Variants in SRRM3 observed in about 807,000 individuals in gnomAD.
SRRM3 encodes the protein serine/arginine repetitive matrix protein 3.
Under a neutral mutation model 66.2 loss-of-function variants are expected in SRRM3, and 27 were observed. That is an observed-to-expected ratio of 0.41 (90% CI 0.30 to 0.56). The LOEUF (loss-of-function observed/expected upper bound fraction) is 0.56. Ranked by LOEUF, SRRM3 falls within the 20% of genes least tolerant of loss-of-function variation. SRRM3 has a pLI of 0.32. For synonymous variants in SRRM3, 391 were observed against 414.9 expected (o/e 0.94, Z 0.70); for missense variants, 918 against 991.9 (o/e 0.93, Z 1.00).
chr7:76,279,520 A>T (rs1411097998), intron 11 of SRRM3, among the ~76,000 whole-genome samples: 4 of 142,176 alleles, frequency 2.8e-5, no homozygotes, highest in African/African-American at 7.6e-5. Context: ...CTGCTACTAG[A>T]TGGAGGGCCA....
intron 11 of SRRM3, among the ~76,000 whole-genome samples, chr7:76,276,213 A>G (rs782550270): frequency 6.6e-6 from 1 of 152,096 alleles, no homozygotes; most frequent in Non-Finnish European, 1.5e-5. Context: ...TCACTCACTC[A>G]CTCATTCATT....
intron 3 of SRRM3, among the ~76,000 whole-genome samples, chr7:76,249,386 A>C (rs1285368839): frequency 6.6e-6 from 1 of 152,120 alleles, no homozygotes; most frequent in Non-Finnish European, 1.5e-5. Flanking sequence ...TCTCAAAAAA[A>C]AAAAAAAGGG....
intron 2 of SRRM3, among the ~76,000 whole-genome samples, chr7:76,238,216 T>G (rs76536895): frequency 6.6e-6 from 1 of 152,244 alleles, no homozygotes; most frequent in Non-Finnish European, 1.5e-5. Flanking sequence ...ACCTGTGTTC[T>G]GGAGCTGTTC....
At chr7:76,209,373 G>A (rs143518468) in intron 1 of SRRM3, among the ~76,000 whole-genome samples, 84 of 152,306 alleles carry the variant, frequency 5.5e-4, no homozygotes, top group African/African-American at 2.0e-3. Flanking sequence ...ATCAGAGGAG[G>A]CTTCTGGGAG....
chr7:76,273,983 G>A (rs1802274353), intron 11 of SRRM3, among the ~76,000 whole-genome samples: 1 of 152,140 alleles, frequency 6.6e-6, no homozygotes, highest in Admixed American at 6.5e-5. Flanking sequence ...AGCATTCCAA[G>A]TTTGTGTTTC....
chr7:76,262,269 G>C lies in SRRM3; in HGVS notation c.674+688G>C, dbSNP rs571146346. 8.5e-5 allele frequency among the ~76,000 whole-genome samples: 13 copies of C among 152,252 alleles called. No homozygotes were observed. The East Asian group carries it at 2.3e-3, about 27-fold the overall frequency. On this transcript the variant is annotated intron_variant, in intron 8 of 14. Coordinates refer to ENST00000611745, the MANE Select transcript of SRRM3 (RefSeq NM_001110199.3). ...ACCTATAATCCCAGCACTGTGGGAG[G>C]CTGAGGCAGGTGGATCGCTTGAGGC...
chr7:76,267,386 G>A lies in SRRM3; in HGVS notation c.959G>A (p.Arg320Gln), dbSNP rs555230590. The A allele has an allele frequency of 1.3e-5, 19 of 1,421,112 alleles. No individual in the cohort carries two copies. The Admixed American group carries it at 4.3e-4, about 32-fold the overall frequency. 88.0% of individuals were successfully genotyped at this position (1,421,112 alleles called of 1,614,324 possible). A position where few individuals can be genotyped will look rare whatever the true frequency, so the allele number is the denominator to read the frequency against. The change falls in exon 11 of 15, where the codon CGG becomes CAG. Residue 320 changes from arginine to glutamine, a missense_variant. Transcript: ENST00000611745. ...CAGCGGAACGGCGGCAGCGGGCAGC[G>A]GAGCGGAGCGCACGGGGGCCGCCCC... is the stretch of plus-strand genomic sequence containing the variant. ...SPQRNGGSGQRSGAHGGRPGS... is the reference protein window; with the variant it reads ...SPQRNGGSGQQSGAHGGRPGS...
At chr7:76,276,901 T>C (rs552998312) in intron 11 of SRRM3, among the ~76,000 whole-genome samples, 1 of 152,324 alleles carries the variant, frequency 6.6e-6, no homozygotes, top group African/African-American at 2.4e-5. Flanking sequence ...CATGAGTTGG[T>C]TGTACTCTGA....
At chr7:76,258,948 G>A (rs1292647002) in intron 3 of SRRM3, among the ~76,000 whole-genome samples, 1 of 151,808 alleles carries the variant, frequency 6.6e-6, no homozygotes, top group Non-Finnish European at 1.5e-5. Context: ...GGAGGCTGAG[G>A]CAGGAGAATC....
intron 1 of SRRM3, among the ~76,000 whole-genome samples, chr7:76,207,106 C>T (rs960958090): frequency 2.0e-5 from 3 of 151,634 alleles, no homozygotes; most frequent in Non-Finnish European, 4.4e-5. Context: ...TCAGCCTAGG[C>T]GGCATAGCAA....
At chr7:76,267,517 G>C in intron 11 of SRRM3, 82 bp downstream of exon 11, 1 of 1,045,206 alleles carries the variant, frequency 9.6e-7, no homozygotes. Flanking sequence ...GCGGGGCAGG[G>C]GGCGATAAGT....
intron 1 of SRRM3, among the ~76,000 whole-genome samples, chr7:76,227,822 A>T (rs1800915679): frequency 6.6e-6 from 1 of 152,084 alleles, no homozygotes; most frequent in South Asian, 2.1e-4. Flanking sequence ...AATTCCTGTA[A>T]TAGGGACCTC....
At chr7:76,276,928 A>T (rs1265369167) in intron 11 of SRRM3, among the ~76,000 whole-genome samples, 1 of 152,192 alleles carries the variant, frequency 6.6e-6, no homozygotes, top group African/African-American at 2.4e-5. Flanking sequence ...TCCCAACCCC[A>T]ATATAGGCTG....
intron 1 of SRRM3, among the ~76,000 whole-genome samples, chr7:76,212,720 T>C (rs1583867046): frequency 6.6e-6 from 1 of 151,676 alleles, no homozygotes; most frequent in African/African-American, 2.4e-5. Flanking sequence ...CCTCCCACCT[T>C]GGCCTCCCAA....
At chr7:76,280,471 C>T (rs1439539456) in intron 11 of SRRM3, among the ~76,000 whole-genome samples, 1 of 150,874 alleles carries the variant, frequency 6.6e-6, no homozygotes, top group African/African-American at 2.4e-5. Flanking sequence ...GGCCCCGCTC[C>T]CGGTGCCGCT....
At chr7:76,258,795 G>T (rs887571896) in intron 3 of SRRM3, among the ~76,000 whole-genome samples, 1 of 150,466 alleles carries the variant, frequency 6.6e-6, no homozygotes, top group African/African-American at 2.4e-5. Flanking sequence ...GGTGGCTCAC[G>T]CCTGTAATCC....
intron 2 of SRRM3, among the ~76,000 whole-genome samples, chr7:76,242,261 G>A (rs1801322331): frequency 6.6e-6 from 1 of 152,176 alleles, no homozygotes; most frequent in South Asian, 2.1e-4. Flanking sequence ...GAGGTGGGTG[G>A]ATCACCTGAG....
At chr7:76,232,828 G>A (rs1385333401) in intron 1 of SRRM3, among the ~76,000 whole-genome samples, 1 of 152,076 alleles carries the variant, frequency 6.6e-6, no homozygotes, top group African/African-American at 2.4e-5. Context: ...TGCTAACCAG[G>A]GCATGACATG....
Position 76,263,877 on chromosome 7 carries a change from C to CAAAAAAA in SRRM3, c.675-866_675-860dup, listed in dbSNP as rs781852712. ...AACAGAGCGGGACTCTGTCTCAAGA[C>CAAAAAAA]AAAAAAAAAAAAAAAAAAAAAAAAA... On this transcript the variant is annotated intron_variant, in intron 8 of 14. Coordinates refer to ENST00000611745, the MANE Select transcript of SRRM3 (RefSeq NM_001110199.3). Among the ~76,000 whole-genome samples, 29 of 49,526 alleles carry CAAAAAAA rather than the reference C, an allele frequency of 5.9e-4. 3 individuals carry two copies. Among genetic ancestry groups the CAAAAAAA allele is most frequent in the African/African-American group, 1.3e-3 (22 of 16,618 alleles). 32.5% of individuals were successfully genotyped at this position (49,526 alleles called of 152,430 possible).
Sources: allele counts gnomAD v4.1 joint callset (sites outside exome capture counted in the v4.1 genomes callset), GRCh38; gene constraint gnomAD v4.1.1; transcripts MANE v1.5; gene names NCBI Gene and HGNC (gene_info 2026-07-23, HGNC 2026-07-21).